The following PCTP variants were observed in gnomAD, a reference collection of about 807,000 sequenced individuals.
PCTP encodes phosphatidylcholine transfer protein, also known as START domain-containing protein 2.
In PCTP, 27 loss-of-function variants were observed where a neutral mutation model predicts 31.0. The observed-to-expected ratio is 0.87, with a 90% CI of 0.64 to 1.20. The LOEUF is 1.20. Among genes scored for constraint, PCTP ranks in the 50% most tolerant of loss-of-function variants. The pLI is 0.00. For missense variants in PCTP, 287 were observed against 268.2 expected (o/e 1.07, Z -0.49); for synonymous variants, 108 against 101.2 (o/e 1.07, Z -0.40).
intron 3 of PCTP, among the ~76,000 whole-genome samples, chr17:55,788,432 A>G (rs1911828415): frequency 6.6e-6 from 1 of 152,158 alleles, no homozygotes; most frequent in Non-Finnish European, 1.5e-5. Flanking sequence ...ATATTTACTT[A>G]TGGGGATTAT....
At position 55,796,262 on chromosome 17, in the gene PCTP, A is replaced by G. The variant is rs551680392; in HGVS notation, c.317+8608A>G. The stretch of plus-strand genomic sequence containing the variant: ...TAGTGAGCTATTAGTTTATTTTGTA[A>G]GCAAGAAGAGACTCTCATAAATTTT... On this transcript the variant is annotated intron_variant, in intron 3 of 3. Coordinates refer to the PCTP transcript ENST00000572536. Among the ~76,000 whole-genome samples, 12 of 152,156 alleles carry G rather than the reference A, an allele frequency of 7.9e-5. No homozygotes were observed. In the South Asian group the frequency reaches 2.3e-3, roughly 29 times the overall value.
intron 3 of PCTP, among the ~76,000 whole-genome samples, chr17:55,773,255 G>A (rs1911108390): frequency 6.6e-6 from 1 of 152,182 alleles, no homozygotes; most frequent in Non-Finnish European, 1.5e-5. Context: ...AGAACAAAGA[G>A]GAATGACACC....
chr17:55,751,716 AG>A (rs1909728332), intron 1 of PCTP, among the ~76,000 whole-genome samples: 2 of 152,134 alleles, frequency 1.3e-5, no homozygotes, highest in South Asian at 4.1e-4. Context: ...GTTGCCGAGA[AG>A]GGCCCTACTG....
chr17:55,851,311 CACAG>C, the PCTP span, among the ~76,000 whole-genome samples: 1 of 152,178 alleles, frequency 6.6e-6, no homozygotes, highest in Non-Finnish European at 1.5e-5. Flanking sequence ...CAGAACATTT[CACAG>C]ACAGTTTCAG....
chr17:55,780,724 C>T (rs1174197602), downstream of PCTP, among the ~76,000 whole-genome samples: 1 of 152,162 alleles, frequency 6.6e-6, no homozygotes, highest in Non-Finnish European at 1.5e-5. Context: ...GAGTGCACAG[C>T]CACCCAGCCA....
intron 2 of PCTP, among the ~76,000 whole-genome samples, chr17:55,783,776 A>G (rs1911648178): frequency 6.6e-6 from 1 of 152,170 alleles, no homozygotes; most frequent in Non-Finnish European, 1.5e-5. Context: ...AGTTTGGCTC[A>G]TGTTCCCATT....
At chr17:55,757,259 TA>T (rs1910084829) in intron 1 of PCTP, among the ~76,000 whole-genome samples, 1 of 151,204 alleles carries the variant, frequency 6.6e-6, no homozygotes, top group African/African-American at 2.4e-5. Context: ...TATACACATA[TA>T]TGTGTATATA....
At chr17:55,834,510 C>T (rs1905713539) in intron 5 of PCTP, among the ~76,000 whole-genome samples, 1 of 152,148 alleles carries the variant, frequency 6.6e-6, no homozygotes, top group Non-Finnish European at 1.5e-5. Context: ...ACATGTCTTT[C>T]CCAGTCTCAA....
At chr17:55,804,216 A>G (rs1436258762) in intron 3 of PCTP, among the ~76,000 whole-genome samples, 1 of 152,212 alleles carries the variant, frequency 6.6e-6, no homozygotes, top group Non-Finnish European at 1.5e-5. Context: ...AGGAAACAAC[A>G]GATGCTGGAG....
the PCTP span, among the ~76,000 whole-genome samples, chr17:55,850,080 A>G: frequency 6.6e-6 from 1 of 152,138 alleles, no homozygotes; most frequent in Non-Finnish European, 1.5e-5. Context: ...CCTAAATTAT[A>G]CTCATTTTTA....
intron 3 of PCTP, among the ~76,000 whole-genome samples, chr17:55,814,638 T>G (rs1912859561): frequency 6.6e-6 from 1 of 152,196 alleles, no homozygotes; most frequent in Admixed American, 6.5e-5. Flanking sequence ...AGAACCACAC[T>G]AGAAAGTTGG....
At chr17:55,845,690 G>A (rs1176337138), downstream of PCTP, among the ~76,000 whole-genome samples, 1 of 152,092 alleles carries the variant, frequency 6.6e-6, no homozygotes, top group Non-Finnish European at 1.5e-5. Context: ...AGCTCCGCGC[G>A]GCGGGCCCTG....
intron 3 of PCTP, among the ~76,000 whole-genome samples, chr17:55,812,950 C>T (rs562251076): frequency 8.5e-5 from 13 of 152,260 alleles, no homozygotes; most frequent in Middle Eastern, 3.4e-3. Context: ...AGAGTTATCA[C>T]TCCTCCCCAC....
At chr17:55,844,907 G>A (rs180671260), downstream of PCTP, among the ~76,000 whole-genome samples, 2 of 151,652 alleles carry the variant, frequency 1.3e-5, no homozygotes, top group East Asian at 3.9e-4. Context: ...GACCAACATG[G>A]TGAAACCCTG....
chr17:55,825,344 G>C (rs1449172458), downstream of PCTP, among the ~76,000 whole-genome samples: 1 of 152,186 alleles, frequency 6.6e-6, no homozygotes, highest in Non-Finnish European at 1.5e-5. Flanking sequence ...GTTTTGTGTT[G>C]AGTGAATGCT....
chr17:55,802,566 A>T (rs62078577), intron 3 of PCTP, among the ~76,000 whole-genome samples: 21,254 of 152,194 alleles, frequency 0.14, 1,551 homozygotes, highest in Middle Eastern at 0.19. Flanking sequence ...CTGGTTCAAC[A>T]TATGCAAATC....
chr17:55,830,681 T>C (rs779497130), intron 5 of PCTP, among the ~76,000 whole-genome samples: 3 of 152,182 alleles, frequency 2.0e-5, no homozygotes, highest in Non-Finnish European at 2.9e-5. Flanking sequence ...CACGTGACAT[T>C]AATAAATCAG....
intron 2 of PCTP, among the ~76,000 whole-genome samples, chr17:55,783,877 C>T (rs1322233650): frequency 1.3e-5 from 2 of 152,160 alleles, no homozygotes; most frequent in Admixed American, 6.5e-5. Context: ...CCCTGGAGAG[C>T]GCCTGCCAGG....
the PCTP span, among the ~76,000 whole-genome samples, chr17:55,852,238 A>G: frequency 1.5e-4 from 23 of 152,332 alleles, no homozygotes; most frequent in Non-Finnish European, 2.6e-4. Context: ...AGACAAGAGT[A>G]TGTCTTCTTA....
Sources: gnomAD v4.1 joint callset for allele counts (sites outside exome capture counted in the v4.1 genomes callset) on GRCh38, gnomAD v4.1.1 for gene constraint, MANE v1.5 for transcripts, NCBI Gene and HGNC (gene_info 2026-07-23, HGNC 2026-07-21) for gene names.